The following RAP1A variants were observed in gnomAD, a reference collection of about 807,000 sequenced individuals.
RAP1A encodes RAP1A, member of RAS oncogene family.
In RAP1A, 6 loss-of-function variants were observed where a neutral mutation model predicts 26.4. The ratio of observed to expected loss-of-function variants is 0.23; its 90% CI spans 0.12 to 0.45. The LOEUF is 0.45. RAP1A is among the 20% of genes least tolerant of loss of function. The pLI is 0.99. For synonymous variants in RAP1A, 73 were observed against 79.4 expected (o/e 0.92, Z 0.43); for missense variants, 121 against 217.2 (o/e 0.56, Z 2.78).
At chr1:111,611,270 G>T (rs1374459601) in intron 1 of RAP1A, among the ~76,000 whole-genome samples, 1 of 152,124 alleles carries the variant, frequency 6.6e-6, no homozygotes, top group African/African-American at 2.4e-5. Context: ...GCTTAGGATG[G>T]CTTCAAAATT....
intron 1 of RAP1A, among the ~76,000 whole-genome samples, chr1:111,671,615 C>T (rs1230385990): frequency 6.6e-6 from 1 of 152,150 alleles, no homozygotes; most frequent in African/African-American, 2.4e-5. Flanking sequence ...GCTGGGATTA[C>T]AGGCACATGC....
At chr1:111,546,415 C>T (rs2786971) in intron 1 of RAP1A, among the ~76,000 whole-genome samples, 83,654 of 151,908 alleles carry the variant, frequency 0.55, 23,289 homozygotes, top group East Asian at 0.75. Context: ...TAAACAGTAA[C>T]TCCCCATTCC....
At chr1:111,573,259 T>C (rs1157254265) in intron 1 of RAP1A, among the ~76,000 whole-genome samples, 1 of 152,236 alleles carries the variant, frequency 6.6e-6, no homozygotes, top group Non-Finnish European at 1.5e-5. Flanking sequence ...TTTGGGTATA[T>C]ACTGAGTAAT....
intron 1 of RAP1A, among the ~76,000 whole-genome samples, chr1:111,611,519 T>G (rs1471920369): frequency 6.6e-6 from 1 of 152,236 alleles, no homozygotes; most frequent in East Asian, 1.9e-4. Context: ...TGAATAACGG[T>G]TTATCTTTCC....
At chr1:111,614,367 A>G (rs1253226843) in intron 1 of RAP1A, among the ~76,000 whole-genome samples, 1 of 152,216 alleles carries the variant, frequency 6.6e-6, no homozygotes, top group African/African-American at 2.4e-5. Flanking sequence ...CAGGAAGCAT[A>G]AGGGCTTGCT....
At chr1:111,598,723 C>T (rs913588341) in intron 1 of RAP1A, among the ~76,000 whole-genome samples, 6 of 152,166 alleles carry the variant, frequency 3.9e-5, no homozygotes, top group Non-Finnish European at 7.4e-5. Context: ...TATCCTCACA[C>T]AGCAAGCAAG....
At chr1:111,687,577 A>G (rs1217254606) in intron 1 of RAP1A, among the ~76,000 whole-genome samples, 1 of 152,128 alleles carries the variant, frequency 6.6e-6, no homozygotes, top group Non-Finnish European at 1.5e-5. Context: ...ACATATGAGA[A>G]TTTACTTTCA....
chr1:111,660,427 TCTGTG>T (rs1246960802), intron 1 of RAP1A, among the ~76,000 whole-genome samples: 11 of 152,138 alleles, frequency 7.2e-5, no homozygotes, highest in Non-Finnish European at 1.6e-4. Context: ...ACTTCCTGGG[TCTGTG>T]GTTTGGTGTC....
intron 1 of RAP1A, among the ~76,000 whole-genome samples, chr1:111,577,577 A>T (rs1311095212): frequency 6.6e-6 from 1 of 152,142 alleles, no homozygotes; most frequent in Non-Finnish European, 1.5e-5. Context: ...TTAGGGCTTC[A>T]TTCAGACTGT....
intron 1 of RAP1A, among the ~76,000 whole-genome samples, chr1:111,582,867 G>A (rs1434853701): frequency 6.6e-6 from 1 of 152,218 alleles, no homozygotes; most frequent in Non-Finnish European, 1.5e-5. Flanking sequence ...TGAGTGCCAA[G>A]CTAGGGGATT....
intron 1 of RAP1A, among the ~76,000 whole-genome samples, chr1:111,624,895 C>T (rs1659345732): frequency 6.6e-6 from 1 of 151,910 alleles, no homozygotes; most frequent in Non-Finnish European, 1.5e-5. Flanking sequence ...GACTTATTTA[C>T]TTAGGCTATA....
chr1:111,645,769 C>T (rs1156583112), intron 1 of RAP1A, among the ~76,000 whole-genome samples: 3 of 152,194 alleles, frequency 2.0e-5, no homozygotes, highest in Admixed American at 1.3e-4. Flanking sequence ...GATTACAGAG[C>T]TAGTAAGTGG....
At chr1:111,640,214 C>CAATAGTTAAA (rs1456205044) in intron 1 of RAP1A, among the ~76,000 whole-genome samples, 1 of 152,142 alleles carries the variant, frequency 6.6e-6, no homozygotes, top group Admixed American at 6.5e-5. Context: ...ATTCATTTAA[C>CAATAGTTAAA]TGAATAGTCC....
At chr1:111,593,571 TC>T (rs1186732274) in intron 1 of RAP1A, among the ~76,000 whole-genome samples, 1 of 149,384 alleles carries the variant, frequency 6.7e-6, no homozygotes, top group African/African-American at 2.5e-5. Context: ...TGCTGAGAGA[TC>T]CTGGGATGCT....
rs1328098626 is a variant in RAP1A at position 111,619,846 on chromosome 1, C to G, written c.-116C>G. On this transcript the variant is annotated 5_prime_UTR_variant, in exon 1 of 8. Transcript: ENST00000369709. ...TCCCGCTGCTGTCGCCGCGCAGAGC[C>G]GGAGCAGGAGCCACGGCCGAGAGGA... is the stretch of plus-strand genomic sequence containing the variant. 16 of 388,168 alleles carry G rather than the reference C, an allele frequency of 4.1e-5. No individual in the cohort carries two copies. In the Admixed American group the frequency reaches 6.3e-4, roughly 15 times the overall value. 24.0% of individuals were successfully genotyped at this position (388,168 alleles called of 1,614,324 possible).
intron 1 of RAP1A, among the ~76,000 whole-genome samples, chr1:111,651,259 A>T (rs1311932481): frequency 1.3e-5 from 2 of 152,058 alleles, no homozygotes; most frequent in Non-Finnish European, 2.9e-5. Context: ...TAGTTGTGGG[A>T]TTTAGAAATA....
chr1:111,626,113 G>GTCAACAC (rs768167938), intron 1 of RAP1A, among the ~76,000 whole-genome samples: 3 of 152,130 alleles, frequency 2.0e-5, no homozygotes, highest in Non-Finnish European at 4.4e-5. Context: ...TTATAAATCA[G>GTCAACAC]TGTTGTATTT....
chr1:111,559,903 T>C (rs1156313191), intron 1 of RAP1A, among the ~76,000 whole-genome samples: 1 of 152,204 alleles, frequency 6.6e-6, no homozygotes, highest in African/African-American at 2.4e-5. Flanking sequence ...GTATGCCTTG[T>C]ATTTCTGCAA....
chr1:111,571,070 T>C (rs1281787094), intron 1 of RAP1A, among the ~76,000 whole-genome samples: 2 of 152,208 alleles, frequency 1.3e-5, no homozygotes, highest in African/African-American at 4.8e-5. Context: ...CTACCTGCAC[T>C]TCTGCCTGAC....
Sources: gnomAD v4.1 joint callset for allele counts (sites outside exome capture counted in the v4.1 genomes callset) on GRCh38, gnomAD v4.1.1 for gene constraint, MANE v1.5 for transcripts, NCBI Gene and HGNC (gene_info 2026-07-23, HGNC 2026-07-21) for gene names.